The following FARS2 variants were observed in gnomAD, a reference collection of about 807,000 sequenced individuals.
FARS2 encodes the protein phenylalanyl-tRNA synthetase 2, mitochondrial.
Under a neutral mutation model 46.4 loss-of-function variants are expected in FARS2, and 40 were observed. That is an observed-to-expected ratio of 0.86 (90% CI 0.67 to 1.12). The LOEUF is 1.12. Among genes scored for constraint, FARS2 ranks in the 50% most tolerant of loss-of-function variants. The probability of loss-of-function intolerance (pLI) is 0.00; values close to 1 mark genes in which losing one functional copy is unlikely to be tolerated. For missense variants in FARS2, 513 were observed against 567.9 expected (o/e 0.90, Z 0.98); for synonymous variants, 234 against 214.9 (o/e 1.09, Z -0.78).
intron 1 of FARS2, among the ~76,000 whole-genome samples, chr6:5,265,321 T>A (rs111848623): frequency 2.9e-4 from 44 of 152,294 alleles, no homozygotes; most frequent in African/African-American, 1.0e-3. Context: ...TTTAGAGAAC[T>A]CTTAAGTGTT....
intron 6 of FARS2, among the ~76,000 whole-genome samples, chr6:5,706,156 G>A (rs950438496): frequency 5.3e-5 from 8 of 152,084 alleles, no homozygotes; most frequent in African/African-American, 1.7e-4. Context: ...CCTCGCCTGC[G>A]CAGTTGACAA....
At chr6:5,577,937 G>A (rs1773084727) in intron 5 of FARS2, among the ~76,000 whole-genome samples, 2 of 152,224 alleles carry the variant, frequency 1.3e-5, no homozygotes, top group South Asian at 2.1e-4. Flanking sequence ...AAGTAGCTGG[G>A]ACTACAGGCA....
At chr6:5,274,449 A>G (rs868495902) in intron 1 of FARS2, among the ~76,000 whole-genome samples, 1 of 152,166 alleles carries the variant, frequency 6.6e-6, no homozygotes, top group South Asian at 2.1e-4. Context: ...GTTTTCTATT[A>G]AAAGATAAGT....
chr6:5,632,911 C>T (rs972211247), intron 6 of FARS2, among the ~76,000 whole-genome samples: 3 of 151,806 alleles, frequency 2.0e-5, no homozygotes, highest in Admixed American at 6.6e-5. Context: ...TTCATTGCCT[C>T]CTAACCTCTC....
At chr6:5,717,933 T>TGGAGAGAGAGAGAGAGAGAG (rs1554128878) in intron 6 of FARS2, among the ~76,000 whole-genome samples, 5 of 128,228 alleles carry the variant, frequency 3.9e-5, no homozygotes, top group Non-Finnish European at 4.7e-5. Context: ...TATATATATA[T>TGGAGAGAGAGAGAGAGAGAG]ATACAGAGTC....
intron 4 of FARS2, among the ~76,000 whole-genome samples, chr6:5,473,991 A>G (rs947576781): frequency 6.6e-6 from 1 of 152,184 alleles, no homozygotes; most frequent in Non-Finnish European, 1.5e-5. Context: ...TGATTTAGGA[A>G]CCTCAGGATC....
intron 5 of FARS2, among the ~76,000 whole-genome samples, chr6:5,568,433 A>C (rs1306570070): frequency 6.6e-6 from 1 of 152,214 alleles, no homozygotes; most frequent in East Asian, 1.9e-4. Flanking sequence ...CCCTGGGGAC[A>C]CAGGAAGTAT....
chr6:5,746,108 T>A (rs1761619597), intron 6 of FARS2, among the ~76,000 whole-genome samples: 1 of 152,216 alleles, frequency 6.6e-6, no homozygotes, highest in Non-Finnish European at 1.5e-5. Context: ...TTCTTTTCAT[T>A]ATTTTAATTA....
chr6:5,674,478 G>C (rs1254495850), intron 6 of FARS2, among the ~76,000 whole-genome samples: 1 of 152,180 alleles, frequency 6.6e-6, no homozygotes, highest in African/African-American at 2.4e-5. Flanking sequence ...TCGGAACCTT[G>C]GCAGATCCAT....
chr6:5,489,142 G>A (rs1054644986), intron 4 of FARS2, among the ~76,000 whole-genome samples: 1 of 152,148 alleles, frequency 6.6e-6, no homozygotes, highest in Non-Finnish European at 1.5e-5. Context: ...AGTGGGGGCA[G>A]GGGTATTTCA....
At chr6:5,446,319 T>G (rs1375187314) in intron 4 of FARS2, among the ~76,000 whole-genome samples, 1 of 152,146 alleles carries the variant, frequency 6.6e-6, no homozygotes, top group Admixed American at 6.5e-5. Flanking sequence ...AGATTATTTG[T>G]CTGTGGAGCC....
rs567298420 is a variant in FARS2, at chr6:5,465,862, T to C, written c.904+34690T>C. On this transcript the variant is annotated intron_variant, in intron 4 of 6. Transcript: ENST00000274680. The stretch of plus-strand genomic sequence containing the variant: ...ATAAAGACCTCTTCATAGCCATACT[T>C]TTTTTGAAAAAAAGAATTTTTTTTC... Among the ~76,000 whole-genome samples, 347 of 152,234 alleles carry C rather than the reference T, an allele frequency of 2.3e-3. 2 individuals carry two copies. The highest frequency in any genetic ancestry group is 7.8e-3 in the African/African-American group (323 of 41,556).
chr6:5,286,108 T>C (rs1767094205), intron 1 of FARS2, among the ~76,000 whole-genome samples: 1 of 152,184 alleles, frequency 6.6e-6, no homozygotes, highest in Non-Finnish European at 1.5e-5. Context: ...CCAGACACTT[T>C]AATTCATAGG....
intron 6 of FARS2, among the ~76,000 whole-genome samples, chr6:5,640,335 G>C (rs1776755089): frequency 6.6e-6 from 1 of 152,210 alleles, no homozygotes; most frequent in African/African-American, 2.4e-5. Flanking sequence ...CCATTAAGCA[G>C]TCATGGCAGG....
intron 2 of FARS2, among the ~76,000 whole-genome samples, chr6:5,378,017 A>G (rs1159317425): frequency 6.6e-6 from 1 of 152,222 alleles, no homozygotes; most frequent in African/African-American, 2.4e-5. Flanking sequence ...ATATTCACAC[A>G]GAAATAAAGG....
chr6:5,385,789 G>A (rs1161890340), intron 2 of FARS2, among the ~76,000 whole-genome samples: 1 of 152,148 alleles, frequency 6.6e-6, no homozygotes, highest in Non-Finnish European at 1.5e-5. Context: ...TTCTCTGTAT[G>A]TGAACCAAGG....
chr6:5,598,597 A>C (rs1774334890), intron 5 of FARS2, among the ~76,000 whole-genome samples: 1 of 152,222 alleles, frequency 6.6e-6, no homozygotes, highest in Non-Finnish European at 1.5e-5. Flanking sequence ...AGGGGTACAA[A>C]ACAATGCTTC....
chr6:5,418,085 T>G (rs1274417444), intron 3 of FARS2, among the ~76,000 whole-genome samples: 5 of 152,228 alleles, frequency 3.3e-5, no homozygotes, highest in Non-Finnish European at 7.3e-5. Context: ...TGTTTCTACT[T>G]AACGTGTTTA....
At chr6:5,325,718 T>C (rs1001423829) in intron 1 of FARS2, among the ~76,000 whole-genome samples, 2 of 152,186 alleles carry the variant, frequency 1.3e-5, no homozygotes, top group Non-Finnish European at 2.9e-5. Context: ...TTTTAAATGA[T>C]TTTTTTCTAT....
Sources: gnomAD v4.1 joint callset for allele counts (sites outside exome capture counted in the v4.1 genomes callset) on GRCh38, gnomAD v4.1.1 for gene constraint, MANE v1.5 for transcripts, NCBI Gene and HGNC (gene_info 2026-07-23, HGNC 2026-07-21) for gene names.